The following RP1 variants were observed in gnomAD, a reference collection of about 807,000 sequenced individuals.
The protein encoded by RP1 is RP1 axonemal microtubule associated, also known as oxygen-regulated protein 1.
In RP1, 16 loss-of-function variants were observed where a neutral mutation model predicts 14.8. The ratio of observed to expected loss-of-function variants is 1.08; its 90% CI spans 0.73 to 1.65. RP1 has a LOEUF of 1.65. Among genes scored for constraint, RP1 ranks in the 40% most tolerant of loss-of-function variants. The pLI is 0.00. For synonymous variants in RP1, 876 were observed against 883.6 expected (o/e 0.99, Z 0.15); for missense variants, 2,631 against 2,535.0 (o/e 1.04, Z -0.81).
At chr8:54,566,102 G>A (rs117276937) in intron 1 of RP1, among the ~76,000 whole-genome samples, 119 of 152,312 alleles carry the variant, frequency 7.8e-4, no homozygotes, top group African/African-American at 2.2e-3. Context: ...GGATGACTCC[G>A]TCTTAGCCAA....
chr8:54,614,829 C>A (rs796678686), upstream of RP1, among the ~76,000 whole-genome samples: 2 of 152,138 alleles, frequency 1.3e-5, no homozygotes, highest in African/African-American at 4.8e-5. Context: ...CTAAGGAATG[C>A]CAAAAGCCTC....
At chr8:54,592,353 A>T (rs1805058929) in intron 1 of RP1, among the ~76,000 whole-genome samples, 1 of 152,210 alleles carries the variant, frequency 6.6e-6, no homozygotes, top group Non-Finnish European at 1.5e-5. Context: ...TGACTGTGCC[A>T]GGTTGGTATC....
chr8:54,728,262 G>A (rs941204285), intron 17 of RP1, among the ~76,000 whole-genome samples: 5 of 152,026 alleles, frequency 3.3e-5, no homozygotes, highest in Non-Finnish European at 7.4e-5. Flanking sequence ...CCCTTTAGTT[G>A]TCTTTTTTCT....
chr8:54,826,648 T>C (rs954518771), intron 24 of RP1, among the ~76,000 whole-genome samples: 2 of 152,248 alleles, frequency 1.3e-5, no homozygotes, highest in Non-Finnish European at 2.9e-5. Flanking sequence ...CAATGTAATG[T>C]ATATTTTACA....
At chr8:54,579,726 C>T (rs936379941) in intron 1 of RP1, among the ~76,000 whole-genome samples, 1 of 152,268 alleles carries the variant, frequency 6.6e-6, no homozygotes, top group East Asian at 1.9e-4. Context: ...TTGTCTTGCT[C>T]GCAGTTAGAG....
intron 4 of RP1, among the ~76,000 whole-genome samples, chr8:54,650,349 G>A (rs542758421): frequency 1.3e-5 from 2 of 152,158 alleles, no homozygotes; most frequent in African/African-American, 2.4e-5. Context: ...TTCTTGTAAG[G>A]GTTCTTAGGC....
chr8:54,860,615 G>T (rs926004168), intron 27 of RP1, among the ~76,000 whole-genome samples: 1 of 152,174 alleles, frequency 6.6e-6, no homozygotes, highest in African/African-American at 2.4e-5. Context: ...TGCAACACAA[G>T]CACCTCCAGG....
intron 1 of RP1, among the ~76,000 whole-genome samples, chr8:54,607,344 G>A (rs1184960532): frequency 6.6e-6 from 1 of 152,236 alleles, no homozygotes; most frequent in Non-Finnish European, 1.5e-5. Flanking sequence ...CCGCAGCAGA[G>A]GCTACAGAAC....
intron 1 of RP1, among the ~76,000 whole-genome samples, chr8:54,574,349 C>A (rs769535129): frequency 3.9e-5 from 6 of 152,054 alleles, no homozygotes; most frequent in Non-Finnish European, 8.8e-5. Flanking sequence ...CCATTCCACG[C>A]ATGGCTATTG....
At chr8:54,713,622 T>G (rs1585629334) in intron 15 of RP1, among the ~76,000 whole-genome samples, 1 of 152,164 alleles carries the variant, frequency 6.6e-6, no homozygotes, top group Admixed American at 6.5e-5. Context: ...AAATTAAAGG[T>G]AATTCATATT....
intron 6 of RP1, among the ~76,000 whole-genome samples, chr8:54,656,962 A>G (rs912336599): frequency 1.3e-5 from 2 of 152,150 alleles, no homozygotes; most frequent in Non-Finnish European, 1.5e-5. Flanking sequence ...GCTTAGGTCC[A>G]TACCAACCTG....
chr8:54,743,259 A>G (rs1585653909), intron 19 of RP1, among the ~76,000 whole-genome samples: 1 of 152,150 alleles, frequency 6.6e-6, no homozygotes, highest in Non-Finnish European at 1.5e-5. Context: ...GTTTATATGT[A>G]TGTCTTAATC....
At chr8:54,571,316 A>G (rs926472131) in intron 1 of RP1, among the ~76,000 whole-genome samples, 5 of 152,212 alleles carry the variant, frequency 3.3e-5, no homozygotes, top group African/African-American at 1.2e-4. Flanking sequence ...AGTCACTTTT[A>G]TAGAGCTGAT....
chr8:54,829,810 G>T (rs11997362), intron 24 of RP1, among the ~76,000 whole-genome samples: 46,541 of 151,972 alleles, frequency 0.31, 7,327 homozygotes, highest in South Asian at 0.37. Context: ...AGTCACTGGA[G>T]TTCTCAATTA....
At chr8:54,827,086 C>T (rs1237250046) in intron 24 of RP1, among the ~76,000 whole-genome samples, 2 of 152,146 alleles carry the variant, frequency 1.3e-5, no homozygotes, top group African/African-American at 2.4e-5. Context: ...ATGGAGCTTG[C>T]AGGACTGGAA....
At chr8:54,869,906 C>G (rs1005745431) in exon 29 of RP1, 5 of 1,231,852 alleles carry the variant, frequency 4.1e-6, no homozygotes, top group Non-Finnish European at 5.1e-6. Flanking sequence ...AAAGTAGTCC[C>G]AGTGCAGTAG....
rs1056153472 is a variant in RP1 at position 54,566,101 on chromosome 8, C to T, written c.-13+6781C>T. ...GCCCAACCCCACTCCAGGATGACTC[C>T]GTCTTAGCCAATCACATCTGCAAAG... is the stretch of plus-strand genomic sequence containing the variant. On this transcript the variant is annotated intron_variant, in intron 1 of 22. Coordinates refer to the RP1 transcript ENST00000636932. 3.9e-5 allele frequency among the ~76,000 whole-genome samples: 6 copies of T among 152,302 alleles called. No individual in the cohort carries two copies. In the East Asian group the frequency reaches 5.8e-4, roughly 15 times the overall value.
chr8:54,840,515 T>G (rs1811766470), intron 25 of RP1, among the ~76,000 whole-genome samples: 1 of 151,272 alleles, frequency 6.6e-6, no homozygotes, highest in Non-Finnish European at 1.5e-5. Context: ...TGCATTATTT[T>G]AAAGTGAACT....
At position 54,849,320 on chromosome 8, in the gene RP1, T is replaced by A. The variant is rs766606740; in HGVS notation, c.3836-3254T>A. The stretch of plus-strand genomic sequence containing the variant: ...CAGGAGACTAAGCAGCTGAGTTCAT[T>A]CATTGCAGTAAAATTGGACTGGAAA... On this transcript the variant is annotated intron_variant, in intron 25 of 28. Transcript: ENST00000637698. Among the ~76,000 whole-genome samples, 138 of 152,188 alleles carry A rather than the reference T, an allele frequency of 9.1e-4. 1 individual carries two copies. The highest frequency in any genetic ancestry group is 2.1e-4 in the Non-Finnish European group (14 of 68,032).
Sources: allele counts gnomAD v4.1 joint callset (sites outside exome capture counted in the v4.1 genomes callset), GRCh38; gene constraint gnomAD v4.1.1; transcripts MANE v1.5; gene names NCBI Gene and HGNC (gene_info 2026-07-23, HGNC 2026-07-21).